TOGARAM2: variants seen among roughly 807,000 people sequenced by gnomAD.
The protein encoded by TOGARAM2 is TOG array regulator of axonemal microtubules 2, also known as TOG array regulator of axonemal microtubules protein 2.
Under a neutral mutation model 93.3 loss-of-function variants are expected in TOGARAM2, and 85 were observed. That is an observed-to-expected ratio of 0.91 (90% CI 0.76 to 1.09). TOGARAM2 has a LOEUF of 1.09. Among genes scored for constraint, TOGARAM2 ranks in the 50% least tolerant of loss-of-function variants. TOGARAM2 has a pLI of 0.00. For synonymous variants in TOGARAM2, 593 were observed against 552.8 expected (o/e 1.07, Z -1.02); for missense variants, 1,277 against 1,334.5 (o/e 0.96, Z 0.67).
chr2:28,959,017 G>A (rs1448179310), intron 1 of TOGARAM2, among the ~76,000 whole-genome samples: 1 of 152,294 alleles, frequency 6.6e-6, no homozygotes, highest in Admixed American at 6.5e-5. Flanking sequence ...CTGTAGCCCA[G>A]CAGCAGGCGT....
At chr2:29,043,773 A>G (rs1238916399) in intron 18 of TOGARAM2, among the ~76,000 whole-genome samples, 3 of 152,186 alleles carry the variant, frequency 2.0e-5, no homozygotes, top group Non-Finnish European at 4.4e-5. Flanking sequence ...GATGGTGTGT[A>G]TTTCTCAGCT....
At chr2:29,018,419 C>T (rs1664727474) in intron 10 of TOGARAM2, 1 of 155,620 alleles carries the variant, frequency 6.4e-6, no homozygotes, top group African/African-American at 2.4e-5. Context: ...AGGAATCGTG[C>T]CTGGGACATG....
chr2:29,023,230 A>C (rs1285335561), intron 12 of TOGARAM2, 39 bp downstream of exon 12: 1 of 1,511,980 alleles, frequency 6.6e-7, no homozygotes. Flanking sequence ...ATTTGGCCCC[A>C]CTGCAGCTGC....
intron 1 of TOGARAM2, among the ~76,000 whole-genome samples, chr2:28,964,123 A>G (rs1476283361): frequency 2.0e-5 from 3 of 152,206 alleles, no homozygotes; most frequent in African/African-American, 7.2e-5. Context: ...TACTTCTCCC[A>G]TTAATTACTG....
chr2:29,018,254 T>G, intron 10 of TOGARAM2: 4 of 347,622 alleles, frequency 1.2e-5, no homozygotes, highest in Non-Finnish European at 2.1e-5. Flanking sequence ...CACTAGACAA[T>G]AGCACCCAAG....
At chr2:28,971,793 T>C (rs1482456403) in intron 1 of TOGARAM2, among the ~76,000 whole-genome samples, 1 of 152,214 alleles carries the variant, frequency 6.6e-6, no homozygotes. Flanking sequence ...TTGATGGTTC[T>C]AAGGAGTAAA....
At position 29,036,570 on chromosome 2, in the gene TOGARAM2, G is replaced by A. The variant is rs148087998; in HGVS notation, c.2448G>A (p.Gln816=). 387 of 1,613,872 alleles carry A rather than the reference G, an allele frequency of 2.4e-4. 1 individual carries two copies. The African/African-American group carries it at 2.9e-3, about 12-fold the overall frequency. ...TTGATGCTTTCACCCCAAGGCTTCA[G>A]GATTCCAACAAGAAAGTGAACCAGT... The part of the protein sequence containing the change: ...QVFDAFTPRL[Q]DSNKKVNQWA... Residue 816 remains glutamine (Q), a synonymous_variant, in exon 18 of 20, where the codon CAG becomes CAA. Transcript: ENST00000379558.
intron 1 of TOGARAM2, among the ~76,000 whole-genome samples, chr2:28,957,329 C>T (rs919089074): frequency 5.9e-5 from 9 of 151,908 alleles, no homozygotes; most frequent in Non-Finnish European, 1.5e-5. Context: ...TACAGGCGCC[C>T]GCCACCACGC....
intron 1 of TOGARAM2, among the ~76,000 whole-genome samples, chr2:28,989,044 C>T (rs1441675804): frequency 1.3e-5 from 2 of 152,120 alleles, no homozygotes; most frequent in Admixed American, 1.3e-4. Flanking sequence ...CTCTTGTGGT[C>T]AGGTTTTTGT....
intron 1 of TOGARAM2, among the ~76,000 whole-genome samples, chr2:28,990,293 C>T (rs1016999312): frequency 2.6e-5 from 4 of 152,186 alleles, no homozygotes; most frequent in South Asian, 2.1e-4. Flanking sequence ...TAATTCTCTC[C>T]GAGGCTCCCC....
chr2:28,998,009 C>A, intron 2 of TOGARAM2, 134 bp from the exon 3 acceptor site: 1 of 561,912 alleles, frequency 1.8e-6, no homozygotes, highest in Non-Finnish European at 3.1e-6. Flanking sequence ...GTGGGGCCAC[C>A]ACATGCCTTG....
At chr2:29,026,794 C>T (rs1665401913) in intron 13 of TOGARAM2, 59 bp from the exon 14 acceptor site, 1 of 1,443,338 alleles carries the variant, frequency 6.9e-7, no homozygotes, top group Non-Finnish European at 9.2e-7. Context: ...TGTTTGCCAG[C>T]CTGGGGACTC....
In TOGARAM2 at chr2:29,024,276, C is replaced by A. The variant is rs372387830; in HGVS notation, c.1755C>A (p.Asn585Lys). The A allele has an allele frequency of 1.2e-6, 2 of 1,613,226 alleles. No homozygotes were observed. The highest frequency in any genetic ancestry group is 4.5e-5 in the East Asian group (2 of 44,856). ...TGCTGCAGAAGATGGCGGACACCAA[C>A]GAGTTCATCCAGAGAGCAGCCGGCC... ...RCLLQKMADT[N>K]EFIQRAAGQS... is the part of the protein sequence containing the mutation. The change falls in exon 13 of 20, where the codon AAC (asparagine) becomes AAA (lysine). Residue 585 changes from asparagine (N) to lysine (K), a missense_variant. Asn to Lys is a moderately conservative substitution (Grantham distance 94, BLOSUM62 0). Coordinates refer to ENST00000379558, the MANE Select transcript of TOGARAM2 (RefSeq NM_199280.4).
chr2:29,015,383 T>C lies in TOGARAM2; in HGVS notation c.1044+822T>C, dbSNP rs532983794. ...CATGGTCTCAATTTCAAGCATCCCATTGGCTCACCACCTTCTCCTGCTGTT... is the reference window on the plus strand; with the variant it reads ...CATGGTCTCAATTTCAAGCATCCCACTGGCTCACCACCTTCTCCTGCTGTT... On this transcript the variant is annotated intron_variant, in intron 8 of 19. Coordinates refer to ENST00000379558, the MANE Select transcript of TOGARAM2 (RefSeq NM_199280.4). Among the ~76,000 whole-genome samples the C allele has an allele frequency of 3.9e-5, 6 of 152,296 alleles. No homozygotes were observed. In the East Asian group the frequency reaches 7.7e-4, roughly 20 times the overall value.
chr2:28,962,467 C>A (rs1259928926), intron 1 of TOGARAM2, among the ~76,000 whole-genome samples: 1 of 152,150 alleles, frequency 6.6e-6, no homozygotes, highest in Non-Finnish European at 1.5e-5. Flanking sequence ...AACCACCGTG[C>A]CCAGCCTACA....
intron 19 of TOGARAM2, 146 bp from the exon 20 acceptor site, chr2:29,051,610 A>T: frequency 1.7e-6 from 1 of 580,782 alleles, no homozygotes; most frequent in Non-Finnish European, 3.0e-6. Flanking sequence ...ACACATTTTC[A>T]TAGGCTGCTA....
rs1572651919 is a variant in TOGARAM2 at position 28,994,772 on chromosome 2, C to T, written c.-63C>T. On this transcript the variant is annotated 5_prime_UTR_variant, in exon 2 of 20. Transcript: ENST00000379558. The stretch of plus-strand genomic sequence containing the variant: ...GCCCTCCAGACCCCCAAGGACTGTA[C>T]TCACTGCCCAGAAATAGCTGCTGCC... The T allele has an allele frequency of 1.3e-6, 2 of 1,535,598 alleles. No homozygotes were observed. The highest frequency in any genetic ancestry group is 8.8e-7 in the Non-Finnish European group (1 of 1,132,512).
chr2:29,045,102 C>G (rs974373911), intron 18 of TOGARAM2, among the ~76,000 whole-genome samples: 1 of 152,160 alleles, frequency 6.6e-6, no homozygotes, highest in Non-Finnish European at 1.5e-5. Context: ...ATAAATGAGG[C>G]CTGTTTGGGA....
At chr2:28,957,646 G>A (rs1030249931) in intron 1 of TOGARAM2, among the ~76,000 whole-genome samples, 2 of 152,192 alleles carry the variant, frequency 1.3e-5, no homozygotes, top group Admixed American at 6.5e-5. Context: ...TTAGGAGTGT[G>A]TATATCTGAA....
Sources: allele counts gnomAD v4.1 joint callset (sites outside exome capture counted in the v4.1 genomes callset), GRCh38; gene constraint gnomAD v4.1.1; transcripts MANE v1.5; gene names NCBI Gene and HGNC (gene_info 2026-07-23, HGNC 2026-07-21).